Variants in MECOM observed in about 807,000 individuals in gnomAD.
MECOM encodes the protein MDS1 and EVI1 complex locus.
MECOM carries 13 observed loss-of-function variants against 116.3 expected under a neutral mutation model. The observed-to-expected ratio is 0.11, with a 90% CI of 0.07 to 0.18. The LOEUF (loss-of-function observed/expected upper bound fraction) is 0.18. Among genes scored for constraint, MECOM ranks in the 10% least tolerant of loss-of-function variants. MECOM has a pLI of 1.00. For synonymous variants in MECOM, 528 were observed against 535.2 expected (o/e 0.99, Z 0.19); for missense variants, 1,299 against 1,509.0 (o/e 0.86, Z 2.31).
At chr3:169,298,893 A>G (rs1286363158) in intron 2 of MECOM, among the ~76,000 whole-genome samples, 1 of 152,186 alleles carries the variant, frequency 6.6e-6, no homozygotes, top group African/African-American at 2.4e-5. Context: ...GTTCATTTTC[A>G]GTAAATGAAA....
intron 1 of MECOM, among the ~76,000 whole-genome samples, chr3:169,604,663 C>A (rs1219289038): frequency 1.3e-5 from 2 of 152,152 alleles, no homozygotes; most frequent in African/African-American, 4.8e-5. Context: ...GACTTACTTC[C>A]CCAGGGCTAC....
intron 2 of MECOM, among the ~76,000 whole-genome samples, chr3:169,297,219 T>C (rs1046014422): frequency 6.6e-6 from 1 of 152,198 alleles, no homozygotes; most frequent in African/African-American, 2.4e-5. Flanking sequence ...AGTACACTGA[T>C]ACAAATTAAT....
chr3:169,300,005 T>C (rs761828191), intron 2 of MECOM, among the ~76,000 whole-genome samples: 57 of 152,106 alleles, frequency 3.7e-4, no homozygotes, highest in Admixed American at 1.1e-3. Context: ...CAGCCACGAG[T>C]CCCTCATAGA....
chr3:169,146,837 C>A, intron 2 of MECOM: 2 of 1,069,474 alleles, frequency 1.9e-6, no homozygotes, highest in African/African-American at 3.3e-5. Flanking sequence ...TCCTTTCAAA[C>A]GATCCCGAGC....
intron 2 of MECOM, among the ~76,000 whole-genome samples, chr3:169,199,832 C>A (rs965627525): frequency 6.6e-6 from 1 of 152,040 alleles, no homozygotes; most frequent in Non-Finnish European, 1.5e-5. Flanking sequence ...ATGAAACATA[C>A]ACTGTATATT....
At chr3:169,630,033 A>G (rs1312888067) in intron 1 of MECOM, among the ~76,000 whole-genome samples, 2 of 152,158 alleles carry the variant, frequency 1.3e-5, no homozygotes, top group Non-Finnish European at 1.5e-5. Flanking sequence ...GGCCATCTGA[A>G]CAACTCCCAG....
chr3:169,449,284 C>A (rs1328430080), intron 1 of MECOM, among the ~76,000 whole-genome samples: 3 of 152,112 alleles, frequency 2.0e-5, no homozygotes, highest in Non-Finnish European at 4.4e-5. Context: ...TGCTCATTTA[C>A]CCATAATGCA....
At chr3:169,222,162 G>A (rs1308451902) in intron 2 of MECOM, among the ~76,000 whole-genome samples, 2 of 152,154 alleles carry the variant, frequency 1.3e-5, no homozygotes, top group Admixed American at 6.5e-5. Context: ...TCAGTGCTGT[G>A]CCACAGAATA....
At chr3:169,663,238 C>G (rs111235653) in intron 1 of MECOM, 98 bp downstream of exon 1, 2 of 1,444,742 alleles carry the variant, frequency 1.4e-6, no homozygotes, top group African/African-American at 2.8e-5. Flanking sequence ...GGCCCCGGCG[C>G]AAGAGGCAGC....
intron 2 of MECOM, among the ~76,000 whole-genome samples, chr3:169,320,036 T>C (rs1720578837): frequency 1.3e-5 from 2 of 152,196 alleles, no homozygotes; most frequent in African/African-American, 4.8e-5. Flanking sequence ...GTAGTAGAGA[T>C]AAGACGATTG....
At chr3:169,360,319 C>CAAAAA in intron 2 of MECOM, among the ~76,000 whole-genome samples, 20 of 87,834 alleles carry the variant, frequency 2.3e-4, no homozygotes, top group East Asian at 3.8e-4. Flanking sequence ...AAAGTTACAC[C>CAAAAA]AAAAAAAAAA....
At chr3:169,213,057 T>C (rs1283872720) in intron 2 of MECOM, among the ~76,000 whole-genome samples, 1 of 149,880 alleles carries the variant, frequency 6.7e-6, no homozygotes, top group Non-Finnish European at 1.5e-5. Flanking sequence ...CCCACTTTGT[T>C]ACTTCCTCTC....
intron 2 of MECOM, among the ~76,000 whole-genome samples, chr3:169,259,805 G>A (rs1448214686): frequency 1.3e-5 from 2 of 152,274 alleles, no homozygotes; most frequent in East Asian, 3.8e-4. Context: ...ATTCAACGAA[G>A]AATGTGTTTG....
At chr3:169,131,860 C>G (rs1734826632) in intron 3 of MECOM, 1 of 981,994 alleles carries the variant, frequency 1.0e-6, no homozygotes, top group South Asian at 3.5e-5. Flanking sequence ...TCTGAATCCT[C>G]AAAGCACCCT....
At chr3:169,656,225 G>T (rs1412907459) in intron 1 of MECOM, among the ~76,000 whole-genome samples, 2 of 152,104 alleles carry the variant, frequency 1.3e-5, no homozygotes, top group Non-Finnish European at 2.9e-5. Context: ...CATTTAGGCA[G>T]GTTCTTGAAC....
At chr3:169,488,482 G>A (rs903834615) in intron 1 of MECOM, among the ~76,000 whole-genome samples, 1 of 151,852 alleles carries the variant, frequency 6.6e-6, no homozygotes, top group Non-Finnish European at 1.5e-5. Context: ...AGAAGCAAAG[G>A]TTGCTGTGAA....
chr3:169,597,458 T>A (rs1294856421), intron 1 of MECOM, among the ~76,000 whole-genome samples: 1 of 152,160 alleles, frequency 6.6e-6, no homozygotes, highest in African/African-American at 2.4e-5. Context: ...ACAGGACCCG[T>A]GGAGAACTTT....
intron 2 of MECOM, among the ~76,000 whole-genome samples, chr3:169,251,334 C>G (rs534606790): frequency 6.6e-6 from 1 of 152,234 alleles, no homozygotes; most frequent in South Asian, 2.1e-4. Context: ...CATTACAAAT[C>G]CTTGATTTTC....
intron 1 of MECOM, among the ~76,000 whole-genome samples, chr3:169,382,871 AAAT>A (rs1560205129): frequency 0.018 from 1,156 of 62,670 alleles, 76 homozygotes; most frequent in East Asian, 0.046. Flanking sequence ...AAAATAAAAA[AAAT>A]AAAAAAAGAA....
Sources: gnomAD v4.1 joint callset for allele counts (sites outside exome capture counted in the v4.1 genomes callset) on GRCh38, gnomAD v4.1.1 for gene constraint, MANE v1.5 for transcripts, NCBI Gene and HGNC (gene_info 2026-07-23, HGNC 2026-07-21) for gene names.